Variants in SIPA1L2 observed in about 807,000 individuals in gnomAD.
SIPA1L2 encodes the protein signal-induced proliferation-associated 1-like protein 2.
A neutral mutation model predicts 163.9 loss-of-function variants in SIPA1L2; 56 were observed. The ratio of observed to expected loss-of-function variants is 0.34; its 90% CI spans 0.28 to 0.43. The LOEUF is 0.43. Among genes scored for constraint, SIPA1L2 ranks in the 20% least tolerant of loss-of-function variants. SIPA1L2 has a pLI of 1.00. For synonymous variants in SIPA1L2, 877 were observed against 865.7 expected, an observed-to-expected ratio of 1.01 and a Z score of -0.23; for missense variants, 1,974 against 2,193.5, an observed-to-expected ratio of 0.90 and a Z score of 2.00.
chr1:232,544,475 G>A (rs372771113), intron 2 of SIPA1L2, among the ~76,000 whole-genome samples: 284 of 152,128 alleles, frequency 1.9e-3, no homozygotes, highest in African/African-American at 6.4e-3. Flanking sequence ...CAGGAGAATG[G>A]CGTGAACCCG....
chr1:232,528,102 A>ATATATATATATATATATATATATCT (rs34779799), intron 2 of SIPA1L2, among the ~76,000 whole-genome samples: 1 of 118,498 alleles, frequency 8.4e-6, no homozygotes, highest in African/African-American at 3.5e-5. Flanking sequence ...ATATATATAT[A>ATATATATATATATATATATATATCT]ATCAACTTTC....
At chr1:232,482,891 G>A (rs1455938358) in intron 6 of SIPA1L2, among the ~76,000 whole-genome samples, 1 of 152,122 alleles carries the variant, frequency 6.6e-6, no homozygotes, top group African/African-American at 2.4e-5. Context: ...TGGGAGTTGG[G>A]GCAAGAAGCT....
In SIPA1L2 at chr1:232,420,293, A is replaced by G. The variant is rs139367005; in HGVS notation, c.4631-4668T>C. 1.4e-4 allele frequency among the ~76,000 whole-genome samples: 21 copies of G among 152,026 alleles called. No homozygotes were observed. In the East Asian group the frequency reaches 4.1e-3, roughly 30 times the overall value. ...AGCCAAGATCACGCCACTGCACTCCAGCTTGAGCAACAAGAGCGAAACTCC... is the reference window on the plus strand; with the variant it reads ...AGCCAAGATCACGCCACTGCACTCCGGCTTGAGCAACAAGAGCGAAACTCC... On this transcript the variant is annotated intron_variant, in intron 18 of 22. Coordinates refer to ENST00000674635, the MANE Select transcript of SIPA1L2 (RefSeq NM_020808.5).
intron 10 of SIPA1L2, among the ~76,000 whole-genome samples, chr1:232,459,600 C>T (rs537581894): frequency 5.3e-5 from 8 of 152,228 alleles, no homozygotes; most frequent in Admixed American, 1.3e-4. Context: ...GCAGCCTCGA[C>T]CTCCCAGGCT....
intron 1 of SIPA1L2, among the ~76,000 whole-genome samples, chr1:232,610,130 T>C (rs900266141): frequency 1.3e-5 from 2 of 152,204 alleles, no homozygotes; most frequent in African/African-American, 4.8e-5. Context: ...GAAATGGAAG[T>C]TTACGTCTGT....
chr1:232,422,117 T>C (rs1661610844), intron 18 of SIPA1L2, among the ~76,000 whole-genome samples: 1 of 152,218 alleles, frequency 6.6e-6, no homozygotes, highest in African/African-American at 2.4e-5. Flanking sequence ...CATTTTTTTT[T>C]CTCACCTGGG....
chr1:232,615,525 G>A (rs1272981783), intron 1 of SIPA1L2, among the ~76,000 whole-genome samples: 4 of 152,156 alleles, frequency 2.6e-5, no homozygotes, highest in African/African-American at 7.2e-5. Context: ...GCAGTCATTC[G>A]AAAGGTTTTT....
At chr1:232,531,771 A>G (rs1656964720) in intron 2 of SIPA1L2, among the ~76,000 whole-genome samples, 1 of 152,168 alleles carries the variant, frequency 6.6e-6, no homozygotes, top group African/African-American at 2.4e-5. Flanking sequence ...GGTTGGGGAC[A>G]TGTAGGTGCC....
At chr1:232,450,663 T>C (rs1663519965) in intron 10 of SIPA1L2, among the ~76,000 whole-genome samples, 1 of 152,226 alleles carries the variant, frequency 6.6e-6, no homozygotes, top group Non-Finnish European at 1.5e-5. Context: ...CATCTTTGCA[T>C]TTCCAGTGCT....
chr1:232,567,062 G>A (rs1469055484), intron 2 of SIPA1L2, among the ~76,000 whole-genome samples: 2 of 152,108 alleles, frequency 1.3e-5, no homozygotes, highest in African/African-American at 4.8e-5. Flanking sequence ...TGACTTGGCC[G>A]TCTCCTTAAG....
At chr1:232,502,939 C>G (rs1666553738) in intron 3 of SIPA1L2, among the ~76,000 whole-genome samples, 1 of 152,224 alleles carries the variant, frequency 6.6e-6, no homozygotes, top group Non-Finnish European at 1.5e-5. Context: ...TTGCCCTTTT[C>G]AAATGATATC....
intron 1 of SIPA1L2, among the ~76,000 whole-genome samples, chr1:232,620,122 A>G (rs1662723505): frequency 6.6e-6 from 1 of 152,034 alleles, no homozygotes; most frequent in Non-Finnish European, 1.5e-5. Flanking sequence ...TGAACTCATG[A>G]TCCGCCCGCC....
intron 2 of SIPA1L2, among the ~76,000 whole-genome samples, chr1:232,543,351 T>C (rs1278644950): frequency 6.6e-6 from 1 of 152,224 alleles, no homozygotes; most frequent in Non-Finnish European, 1.5e-5. Context: ...GGTCCACTTA[T>C]ACACATATTT....
At chr1:232,625,064 C>T (rs953614381) in intron 1 of SIPA1L2, among the ~76,000 whole-genome samples, 23 of 152,270 alleles carry the variant, frequency 1.5e-4, no homozygotes, top group Non-Finnish European at 3.2e-4. Flanking sequence ...TAGGGACACA[C>T]TGAAAATGAA....
intron 3 of SIPA1L2, among the ~76,000 whole-genome samples, chr1:232,498,616 C>T (rs1464504496): frequency 6.6e-6 from 1 of 152,180 alleles, no homozygotes; most frequent in African/African-American, 2.4e-5. Flanking sequence ...AGCTTCTAGA[C>T]CTACATTCGT....
chr1:232,624,153 C>T lies in SIPA1L2; in HGVS notation c.-319+5716G>A, dbSNP rs143916203. On this transcript the variant is annotated intron_variant, in intron 1 of 22. Transcript: ENST00000674635. ...ACATGTATACGCATACATACATGAA[C>T]ACTTAGACAATTGTGTATAGATGGG... 8.0e-4 allele frequency among the ~76,000 whole-genome samples: 121 copies of T among 152,132 alleles called. 1 individual carries two copies. In the East Asian group the frequency reaches 0.021, roughly 26 times the overall value.
At chr1:232,588,040 A>C (rs1398168561) in intron 1 of SIPA1L2, among the ~76,000 whole-genome samples, 2 of 152,170 alleles carry the variant, frequency 1.3e-5, no homozygotes, top group African/African-American at 2.4e-5. Context: ...TATCAGCAGC[A>C]GGAAAACGGA....
chr1:232,514,586 T>G lies in SIPA1L2; in HGVS notation c.754A>C (p.Arg252=). Residue 252 remains arginine, a synonymous_variant, in exon 3 of 23, where the codon AGG becomes CGG. Transcript: ENST00000674635. ...CCTGAGATGCGGACAAATTCTCCCCTAGAAATCTGTGCTGCTGCATGAAGG... is the reference window on the plus strand; with the variant it reads ...CCTGAGATGCGGACAAATTCTCCCCGAGAAATCTGTGCTGCTGCATGAAGG... ...PSLHAAAQIS[R]GEFVRISGLD... The G allele has an allele frequency of 6.2e-7, 1 of 1,614,148 alleles. No individual in the cohort carries two copies. Among genetic ancestry groups the G allele is most frequent in the Non-Finnish European group, 8.5e-7 (1 of 1,180,018 alleles).
At chr1:232,597,459 C>T (rs577568141) in intron 1 of SIPA1L2, among the ~76,000 whole-genome samples, 2 of 149,916 alleles carry the variant, frequency 1.3e-5, no homozygotes, top group Admixed American at 6.7e-5. Flanking sequence ...GGGCGGATCA[C>T]AAGGTCAGGA....
Sources: gnomAD v4.1 joint callset for allele counts (sites outside exome capture counted in the v4.1 genomes callset) on GRCh38, gnomAD v4.1.1 for gene constraint, MANE v1.5 for transcripts, NCBI Gene and HGNC (gene_info 2026-07-23, HGNC 2026-07-21) for gene names.